PCDHA9: variants seen among roughly 807,000 people sequenced by gnomAD.
PCDHA9 encodes the protein protocadherin alpha 9.
In PCDHA9, 62 loss-of-function variants were observed where a neutral mutation model predicts 62.0. The observed-to-expected ratio is 1.00, with a 90% CI of 0.81 to 1.23. The LOEUF is 1.23. Ranked by LOEUF, PCDHA9 falls within the 50% of genes most tolerant of loss-of-function variation. The pLI is 0.00. For missense variants in PCDHA9, 1,205 were observed against 1,249.8 expected (o/e 0.96, Z 0.54); for synonymous variants, 557 against 567.6 (o/e 0.98, Z 0.27).
chr5:140,973,468 C>T (rs2096588845), intron 1 of PCDHA9, among the ~76,000 whole-genome samples: 1 of 152,202 alleles, frequency 6.6e-6, no homozygotes, highest in East Asian at 1.9e-4. Context: ...TTTTAGTTTG[C>T]AAATTTCATA....
rs1554148909 is a variant in PCDHA9, at chr5:140,856,599, A to G, written c.2394+5710A>G. 10 of 1,597,910 alleles carry G rather than the reference A, an allele frequency of 6.3e-6. 1 individual carries two copies. Among genetic ancestry groups the G allele is most frequent in the African/African-American group, 1.3e-5 (1 of 74,324 alleles). ...TATTTTGTTCTTGATATTATAAACAAAAAAGACAAAGACAAATTCCCAGTG... is the reference window on the plus strand; with the variant it reads ...TATTTTGTTCTTGATATTATAAACAGAAAAGACAAAGACAAATTCCCAGTG... On this transcript the variant is annotated intron_variant, in intron 1 of 3. Transcript: ENST00000532602.
chr5:140,869,456 AT>A (rs1175063244), intron 1 of PCDHA9: 1 of 1,614,072 alleles, frequency 6.2e-7, no homozygotes, highest in East Asian at 2.2e-5. Flanking sequence ...CAGGTTTTCC[AT>A]GTGAACGTGG....
intron 1 of PCDHA9, chr5:140,968,792 A>G (rs200477554): frequency 2.5e-6 from 4 of 1,614,186 alleles, no homozygotes; most frequent in Admixed American, 3.3e-5. Flanking sequence ...CTCTGTGGCC[A>G]TTACAGTAGC....
intron 1 of PCDHA9, among the ~76,000 whole-genome samples, chr5:140,892,029 T>C (rs954107632): frequency 2.0e-4 from 30 of 152,336 alleles, no homozygotes; most frequent in Middle Eastern, 6.8e-3. Context: ...TGGTCTAAGA[T>C]ACTTTTATTT....
chr5:140,873,079 T>TC (rs544069393), intron 1 of PCDHA9, among the ~76,000 whole-genome samples: 14 of 151,958 alleles, frequency 9.2e-5, no homozygotes, highest in African/African-American at 2.4e-4. Context: ...TCTAGCTATT[T>TC]CCCCCCCGTA....
chr5:140,978,849 T>C, intron 1 of PCDHA9, 100 bp from the exon 2 acceptor site: 7 of 1,577,036 alleles, frequency 4.4e-6, no homozygotes, highest in Non-Finnish European at 5.2e-6. Flanking sequence ...CTTTTTTAGA[T>C]GCCTGGAAAT....
chr5:140,869,091 A>C, intron 1 of PCDHA9: 1 of 1,591,040 alleles, frequency 6.3e-7, no homozygotes, highest in Non-Finnish European at 8.6e-7. Context: ...TTTGGAAGCC[A>C]ATTTCGTATG....
chr5:140,870,409 G>T, intron 1 of PCDHA9: 1 of 1,614,226 alleles, frequency 6.2e-7, no homozygotes, highest in South Asian at 1.1e-5. Context: ...TTCTCTGTGG[G>T]CCACGGCCAG....
intron 1 of PCDHA9, chr5:140,927,103 C>T: frequency 6.2e-7 from 1 of 1,613,768 alleles, no homozygotes; most frequent in Non-Finnish European, 8.5e-7. Flanking sequence ...GGTGGATCTA[C>T]CCAGCGGCAA....
chr5:140,929,140 C>T, intron 1 of PCDHA9: 1 of 1,614,176 alleles, frequency 6.2e-7, no homozygotes, highest in Non-Finnish European at 8.5e-7. Context: ...AGTTGAGAGA[C>T]TTTCTCAGAC....
chr5:140,929,307 C>A, intron 1 of PCDHA9: 1 of 1,570,164 alleles, frequency 6.4e-7, no homozygotes, highest in Non-Finnish European at 8.7e-7. Flanking sequence ...AAGGGGATCA[C>A]GCTAATGTCA....
chr5:140,893,297 A>G (rs553139850), intron 1 of PCDHA9, among the ~76,000 whole-genome samples: 4 of 152,154 alleles, frequency 2.6e-5, no homozygotes, highest in South Asian at 2.1e-4. Context: ...TGGTAGTTCT[A>G]TTTGTAGTTT....
chr5:140,856,970 G>T (rs2044296852), intron 1 of PCDHA9: 1 of 1,592,058 alleles, frequency 6.3e-7, no homozygotes, highest in Non-Finnish European at 8.6e-7. Flanking sequence ...TGATGCTATT[G>T]ACTTTGAGGA....
At chr5:140,970,009 A>G (rs2096376687) in intron 1 of PCDHA9, among the ~76,000 whole-genome samples, 2 of 152,174 alleles carry the variant, frequency 1.3e-5, no homozygotes, top group African/African-American at 4.8e-5. Flanking sequence ...GGAGTGGATG[A>G]TGGTGAGGCA....
intron 1 of PCDHA9, among the ~76,000 whole-genome samples, chr5:140,954,602 A>G (rs2095062634): frequency 6.6e-6 from 1 of 152,120 alleles, no homozygotes; most frequent in South Asian, 2.1e-4. Flanking sequence ...TTCTTTGCCC[A>G]CTTTTTAATG....
chr5:140,971,184 A>C (rs1431296656), intron 1 of PCDHA9, among the ~76,000 whole-genome samples: 1 of 152,188 alleles, frequency 6.6e-6, no homozygotes, highest in African/African-American at 2.4e-5. Context: ...TGTAAGCCGG[A>C]AGCTCAGAGG....
intron 1 of PCDHA9, chr5:140,851,093 TA>T: frequency 1.5e-6 from 2 of 1,294,092 alleles, no homozygotes; most frequent in Admixed American, 2.9e-5. Flanking sequence ...ATTAAATAGA[TA>T]TTTTTTGGGT....
chr5:140,968,521 C>G, intron 1 of PCDHA9: 1 of 1,614,180 alleles, frequency 6.2e-7, no homozygotes, highest in Non-Finnish European at 8.5e-7. Context: ...CTACCTCAAC[C>G]AACTCGTCAG....
intron 1 of PCDHA9, among the ~76,000 whole-genome samples, chr5:140,917,163 G>A (rs948639951): frequency 6.6e-6 from 1 of 152,182 alleles, no homozygotes; most frequent in Admixed American, 6.5e-5. Flanking sequence ...ATATGGGAGG[G>A]GTGATGGTGG....
Sources: gnomAD v4.1 joint callset for allele counts (sites outside exome capture counted in the v4.1 genomes callset) on GRCh38, gnomAD v4.1.1 for gene constraint, MANE v1.5 for transcripts, NCBI Gene and HGNC (gene_info 2026-07-23, HGNC 2026-07-21) for gene names.